The following SGCZ variants were observed in gnomAD, a reference collection of about 807,000 sequenced individuals.
SGCZ encodes sarcoglycan zeta.
A neutral mutation model predicts 41.3 loss-of-function variants in SGCZ; 40 were observed. That is an observed-to-expected ratio of 0.97 (90% CI 0.75 to 1.26). SGCZ has a LOEUF of 1.26. SGCZ is among the 50% of genes most tolerant of loss of function. The pLI, the probability that SGCZ is intolerant of heterozygous loss-of-function variation, is 0.00. For synonymous variants in SGCZ, 206 were observed against 137.5 expected, an observed-to-expected ratio of 1.50 and a Z score of -3.49; for missense variants, 552 against 369.8, an observed-to-expected ratio of 1.49 and a Z score of -4.04.
rs530599551 is a variant in SGCZ, at chr8:14,222,458, G to A, written c.424+15134C>T. On this transcript the variant is annotated intron_variant, in intron 4 of 7. Coordinates refer to ENST00000382080, the MANE Select transcript of SGCZ (RefSeq NM_139167.4). ...GCTAAGATTACACACGTGAGCCACCGTGCCCGGCCACTTCAGTTTTGTTTT... is the reference window on the plus strand; with the variant it reads ...GCTAAGATTACACACGTGAGCCACCATGCCCGGCCACTTCAGTTTTGTTTT... Among the ~76,000 whole-genome samples, 3 of 152,022 alleles carry A rather than the reference G, an allele frequency of 2.0e-5. 1 individual carries two copies. The South Asian group carries it at 6.2e-4, about 32-fold the overall frequency.
chr8:14,820,015 G>A (rs1802026302), intron 1 of SGCZ, among the ~76,000 whole-genome samples: 1 of 151,996 alleles, frequency 6.6e-6, no homozygotes, highest in Admixed American at 6.6e-5. Context: ...CTCCTTATCT[G>A]TCAAAAACCA....
intron 2 of SGCZ, among the ~76,000 whole-genome samples, chr8:14,370,196 G>A (rs1803861938): frequency 6.6e-6 from 1 of 151,902 alleles, no homozygotes; most frequent in African/African-American, 2.4e-5. Context: ...AATTGGTATA[G>A]CAATACAAAC....
intron 3 of SGCZ, among the ~76,000 whole-genome samples, chr8:14,322,257 G>A (rs190829544): frequency 5.9e-5 from 9 of 152,066 alleles, no homozygotes; most frequent in African/African-American, 1.9e-4. Flanking sequence ...CCTAGTTATA[G>A]GGAGACAAAC....
intron 2 of SGCZ, among the ~76,000 whole-genome samples, chr8:14,436,423 C>T (rs1209226370): frequency 6.6e-6 from 1 of 152,184 alleles, no homozygotes; most frequent in Non-Finnish European, 1.5e-5. Flanking sequence ...ACAATACATT[C>T]AGGATAATCT....
intron 1 of SGCZ, among the ~76,000 whole-genome samples, chr8:15,140,879 T>C (rs1332635651): frequency 6.6e-6 from 1 of 152,180 alleles, no homozygotes; most frequent in Non-Finnish European, 1.5e-5. Flanking sequence ...AACAAATACA[T>C]CTCTGCAGTT....
At chr8:14,371,960 G>C (rs1305879043) in intron 2 of SGCZ, among the ~76,000 whole-genome samples, 2 of 152,000 alleles carry the variant, frequency 1.3e-5, no homozygotes, top group Admixed American at 1.3e-4. Flanking sequence ...ACATAAACTG[G>C]AGAACTAGAG....
At chr8:15,076,853 A>T (rs1446565208) in intron 1 of SGCZ, among the ~76,000 whole-genome samples, 1 of 151,942 alleles carries the variant, frequency 6.6e-6, no homozygotes, top group Non-Finnish European at 1.5e-5. Flanking sequence ...AGAGAGGGAA[A>T]AAAAAGAGAT....
At chr8:14,715,891 G>A (rs535290260) in intron 1 of SGCZ, among the ~76,000 whole-genome samples, 1 of 151,996 alleles carries the variant, frequency 6.6e-6, no homozygotes, top group African/African-American at 2.4e-5. Context: ...AGTAGGAGCT[G>A]GCATGAACAC....
chr8:14,310,854 G>T (rs530475477), intron 3 of SGCZ, among the ~76,000 whole-genome samples: 2 of 152,098 alleles, frequency 1.3e-5, no homozygotes, highest in African/African-American at 4.8e-5. Context: ...ACCAGTAGTA[G>T]CAAGCTTCAG....
chr8:14,435,177 T>C lies in SGCZ; in HGVS notation c.235-110973A>G, dbSNP rs1800053960. ...GCTGCAGCTGCAATCACCACCGATA[T>C]GGATTCTCAGGCAAACTGTAAAACG... On this transcript the variant is annotated intron_variant, in intron 2 of 7. Coordinates refer to ENST00000382080, the MANE Select transcript of SGCZ (RefSeq NM_139167.4). 3.3e-5 allele frequency among the ~76,000 whole-genome samples: 5 copies of C among 152,252 alleles called. No individual in the cohort carries two copies. In the South Asian group the frequency reaches 1.0e-3, roughly 32 times the overall value.
intron 1 of SGCZ, among the ~76,000 whole-genome samples, chr8:14,846,873 C>T (rs1286769386): frequency 6.6e-6 from 1 of 151,884 alleles, no homozygotes; most frequent in Non-Finnish European, 1.5e-5. Flanking sequence ...AGTTTGAGAC[C>T]AGCCTGGGCA....
chr8:14,915,129 A>C (rs1359780927), intron 1 of SGCZ, among the ~76,000 whole-genome samples: 1 of 152,158 alleles, frequency 6.6e-6, no homozygotes, highest in East Asian at 1.9e-4. Flanking sequence ...GAGATTCAAA[A>C]ACTCTGGATA....
At chr8:15,036,592 T>G (rs1427712839) in intron 1 of SGCZ, among the ~76,000 whole-genome samples, 1 of 152,060 alleles carries the variant, frequency 6.6e-6, no homozygotes, top group Non-Finnish European at 1.5e-5. Flanking sequence ...TAAAATAAAA[T>G]AAAATGTCTC....
chr8:14,173,780 A>T (rs1243463511), intron 4 of SGCZ, among the ~76,000 whole-genome samples: 1 of 152,158 alleles, frequency 6.6e-6, no homozygotes, highest in Admixed American at 6.6e-5. Flanking sequence ...TGATAGACAA[A>T]TGGAAACATA....
At chr8:14,833,850 A>G (rs1802610161) in intron 1 of SGCZ, among the ~76,000 whole-genome samples, 1 of 152,150 alleles carries the variant, frequency 6.6e-6, no homozygotes, top group African/African-American at 2.4e-5. Flanking sequence ...AAATTAAATC[A>G]ACTGAAAATA....
chr8:14,350,973 T>A (rs1803069035), intron 2 of SGCZ, among the ~76,000 whole-genome samples: 1 of 152,142 alleles, frequency 6.6e-6, no homozygotes, highest in African/African-American at 2.4e-5. Context: ...AACCTGAGGT[T>A]CCATTGCTCA....
At chr8:14,276,509 T>C (rs544684202) in intron 3 of SGCZ, among the ~76,000 whole-genome samples, 1 of 152,238 alleles carries the variant, frequency 6.6e-6, no homozygotes, top group African/African-American at 2.4e-5. Context: ...CAACAACAAA[T>C]AGTACCTCAA....
At chr8:14,446,727 T>C (rs1039663606) in intron 2 of SGCZ, among the ~76,000 whole-genome samples, 6 of 152,218 alleles carry the variant, frequency 3.9e-5, no homozygotes, top group Admixed American at 2.0e-4. Context: ...TCCATTTGCA[T>C]TGTGCTGATT....
chr8:14,768,462 C>A (rs548654621), intron 1 of SGCZ, among the ~76,000 whole-genome samples: 1 of 152,124 alleles, frequency 6.6e-6, no homozygotes, highest in Non-Finnish European at 1.5e-5. Flanking sequence ...AACAATAGAA[C>A]AAAGATTTTA....
Sources: allele counts gnomAD v4.1 joint callset (sites outside exome capture counted in the v4.1 genomes callset), GRCh38; gene constraint gnomAD v4.1.1; transcripts MANE v1.5; gene names NCBI Gene and HGNC (gene_info 2026-07-23, HGNC 2026-07-21).